XRCC4: variants seen among roughly 807,000 people sequenced by gnomAD.
XRCC4 encodes X-ray repair cross complementing 4.
In XRCC4, 28 loss-of-function variants were observed where a neutral mutation model predicts 39.1. The ratio of observed to expected loss-of-function variants is 0.72; its 90% confidence interval spans 0.53 to 0.98. XRCC4 has a LOEUF of 0.98. Among genes scored for constraint, XRCC4 ranks in the 50% least tolerant of loss-of-function variants. XRCC4 has a pLI of 0.00. For synonymous variants in XRCC4, 123 were observed against 126.4 expected (o/e 0.97, Z 0.18); for missense variants, 350 against 376.4 (o/e 0.93, Z 0.58).
chr5:83,091,732 T>C (rs531655734), intron 1 of XRCC4, among the ~76,000 whole-genome samples: 6 of 152,220 alleles, frequency 3.9e-5, no homozygotes, highest in Admixed American at 1.3e-4. Context: ...TTCCATTGTG[T>C]GTAGATGAAT....
At chr5:83,197,427 C>T (rs987522615) in intron 4 of XRCC4, among the ~76,000 whole-genome samples, 1 of 152,026 alleles carries the variant, frequency 6.6e-6, no homozygotes, top group Admixed American at 6.6e-5. Context: ...CACAAATTGC[C>T]TACAAAAATG....
At chr5:83,124,577 C>G (rs1168777017) in intron 3 of XRCC4, among the ~76,000 whole-genome samples, 3 of 152,084 alleles carry the variant, frequency 2.0e-5, no homozygotes, top group Non-Finnish European at 4.4e-5. Context: ...TATTAGAAAG[C>G]TGCTTTGGAC....
chr5:83,146,943 A>G (rs149453571), intron 3 of XRCC4, among the ~76,000 whole-genome samples: 1 of 152,214 alleles, frequency 6.6e-6, no homozygotes, highest in Admixed American at 6.5e-5. Flanking sequence ...AGTATCAAAG[A>G]TATTTGCTGG....
chr5:83,174,266 A>G (rs577009747), intron 3 of XRCC4, among the ~76,000 whole-genome samples: 1 of 152,348 alleles, frequency 6.6e-6, no homozygotes, highest in South Asian at 2.1e-4. Context: ...TAAGTGCCAA[A>G]GCATTTCTCA....
intron 7 of XRCC4, among the ~76,000 whole-genome samples, chr5:83,286,831 G>A (rs555631051): frequency 6.6e-6 from 1 of 152,084 alleles, no homozygotes; most frequent in South Asian, 2.1e-4. Context: ...GACAATGGGG[G>A]GTTATTGCAA....
intron 1 of XRCC4, among the ~76,000 whole-genome samples, chr5:83,084,008 G>T (rs1250787963): frequency 3.3e-5 from 5 of 152,148 alleles, no homozygotes; most frequent in African/African-American, 1.2e-4. Context: ...CTGTTTGGGT[G>T]TCTCTATTTC....
At chr5:83,179,237 C>T (rs996727527) in intron 3 of XRCC4, among the ~76,000 whole-genome samples, 2 of 152,054 alleles carry the variant, frequency 1.3e-5, no homozygotes, top group Non-Finnish European at 2.9e-5. Context: ...AGGTATGTAT[C>T]GAACAAAGAT....
intron 3 of XRCC4, among the ~76,000 whole-genome samples, chr5:83,134,019 G>T (rs1292153904): frequency 6.6e-6 from 1 of 152,218 alleles, no homozygotes; most frequent in African/African-American, 2.4e-5. Context: ...AGGTGAGCAC[G>T]GGCTGGGCAA....
chr5:83,325,754 G>T (rs200025716), intron 7 of XRCC4, among the ~76,000 whole-genome samples: 1 of 152,010 alleles, frequency 6.6e-6, no homozygotes, highest in African/African-American at 2.4e-5. Context: ...ATTGTGAATA[G>T]TGCTGCAATG....
At chr5:83,324,552 C>G (rs1039698482) in intron 7 of XRCC4, among the ~76,000 whole-genome samples, 3 of 151,988 alleles carry the variant, frequency 2.0e-5, no homozygotes, top group African/African-American at 7.2e-5. Context: ...TTTGGGATTT[C>G]TTTTTTTAAG....
chr5:83,091,342 C>T (rs1252056709), intron 1 of XRCC4, among the ~76,000 whole-genome samples: 1 of 152,118 alleles, frequency 6.6e-6, no homozygotes, highest in Admixed American at 6.5e-5. Flanking sequence ...TGGGAACTGC[C>T]AAACTATTAA....
chr5:83,166,807 G>A (rs1388542203), intron 3 of XRCC4, among the ~76,000 whole-genome samples: 1 of 151,888 alleles, frequency 6.6e-6, no homozygotes, highest in African/African-American at 2.4e-5. Flanking sequence ...AACTTTGCCA[G>A]CATCCGTTAT....
intron 3 of XRCC4, among the ~76,000 whole-genome samples, chr5:83,134,132 T>C (rs1278425318): frequency 1.3e-5 from 2 of 152,086 alleles, no homozygotes; most frequent in African/African-American, 2.4e-5. Flanking sequence ...TTGACCATGA[T>C]AGCAGGTCTC....
At chr5:83,266,243 G>A (rs1197637914) in intron 7 of XRCC4, among the ~76,000 whole-genome samples, 5 of 149,844 alleles carry the variant, frequency 3.3e-5, no homozygotes, top group African/African-American at 1.2e-4. Context: ...AAAAATAGGA[G>A]GTATATATTT....
At chr5:83,263,696 G>C (rs1357161480) in intron 7 of XRCC4, among the ~76,000 whole-genome samples, 1 of 151,044 alleles carries the variant, frequency 6.6e-6, no homozygotes, top group Non-Finnish European at 1.5e-5. Context: ...GGGGTTGTTT[G>C]TTTTTTTCTT....
chr5:83,243,113 G>A (rs550965227), intron 6 of XRCC4, among the ~76,000 whole-genome samples: 46 of 152,152 alleles, frequency 3.0e-4, no homozygotes, highest in Non-Finnish European at 4.4e-4. Flanking sequence ...TAGAAGTAGC[G>A]GTAGTTGGTA....
Position 83,168,141 on chromosome 5 carries a change from A to G in XRCC4, c.316-27629A>G, listed in dbSNP as rs189961674. Among the ~76,000 whole-genome samples, 493 of 152,338 alleles carry G rather than the reference A, an allele frequency of 3.2e-3. 3 individuals are homozygous for G. The highest frequency in any genetic ancestry group is 5.1e-3 in the Non-Finnish European group (346 of 68,028). The stretch of plus-strand genomic sequence containing the variant: ...TCTATAAAAAGCAAAATCCAACTGT[A>G]TGCTGTTTATAAGAAACATCTAAAA... On this transcript the variant is annotated intron_variant, in intron 3 of 7. Coordinates refer to ENST00000396027, the MANE Select transcript of XRCC4 (RefSeq NM_003401.5).
intron 6 of XRCC4, among the ~76,000 whole-genome samples, chr5:83,249,483 A>G (rs537126831): frequency 2.0e-5 from 3 of 152,302 alleles, no homozygotes; most frequent in East Asian, 3.9e-4. Context: ...GCCAAATTAT[A>G]TCACAGAGGC....
chr5:83,309,300 T>TATATAC (rs1241303582), intron 7 of XRCC4, among the ~76,000 whole-genome samples: 1 of 67,828 alleles, frequency 1.5e-5, no homozygotes, highest in Non-Finnish European at 2.7e-5. Context: ...AAAAAAAATA[T>TATATAC]ATATATATAT....
Sources: gnomAD v4.1 joint callset for allele counts (sites outside exome capture counted in the v4.1 genomes callset) on GRCh38, gnomAD v4.1.1 for gene constraint, MANE v1.5 for transcripts, NCBI Gene and HGNC (gene_info 2026-07-23, HGNC 2026-07-21) for gene names.